PRKG1: variants seen among roughly 807,000 people sequenced by gnomAD.
PRKG1 encodes the protein protein kinase cGMP-dependent 1.
A neutral mutation model predicts 88.1 loss-of-function variants in PRKG1; 35 were observed. That is an observed-to-expected ratio of 0.40 (90% CI 0.30 to 0.53). The LOEUF (loss-of-function observed/expected upper bound fraction) is 0.53. Ranked by LOEUF, PRKG1 falls within the 20% of genes least tolerant of loss-of-function variation. PRKG1 has a pLI of 0.59. For missense variants in PRKG1, 540 were observed against 839.8 expected, an observed-to-expected ratio of 0.64 and a Z score of 4.41; for synonymous variants, 303 against 292.5, an observed-to-expected ratio of 1.04 and a Z score of -0.37.
chr10:51,654,344 G>A (rs1840111980), intron 3 of PRKG1, among the ~76,000 whole-genome samples: 1 of 152,042 alleles, frequency 6.6e-6, no homozygotes, highest in African/African-American at 2.4e-5. Context: ...GTAAATATGT[G>A]GATTTAGTTC....
At position 52,216,218 on chromosome 10, in the gene PRKG1, A is replaced by G. The variant is rs191595373; in HGVS notation, c.1077-35352A>G. On this transcript the variant is annotated intron_variant, in intron 9 of 17. Coordinates refer to ENST00000373980, the MANE Select transcript of PRKG1 (RefSeq NM_006258.4). ...CTTCTTAGACACTTCTTAAACAAGG[A>G]TTGCCAAGCACAGCATGGAAGCTTA... Among the ~76,000 whole-genome samples, 4 of 152,318 alleles carry G rather than the reference A, an allele frequency of 2.6e-5. No individual in the cohort carries two copies. The East Asian group carries it at 7.7e-4, about 29-fold the overall frequency.
chr10:52,141,219 CA>C (rs1272159514), intron 8 of PRKG1, among the ~76,000 whole-genome samples: 1 of 152,122 alleles, frequency 6.6e-6, no homozygotes, highest in African/African-American at 2.4e-5. Context: ...ACATTATATT[CA>C]TTCAATTTAA....
chr10:51,634,690 G>A (rs1839611413), intron 3 of PRKG1, among the ~76,000 whole-genome samples: 2 of 151,984 alleles, frequency 1.3e-5, no homozygotes, highest in African/African-American at 4.8e-5. Context: ...TCCATATGAA[G>A]CTAGAAAGCA....
At chr10:51,540,518 TTAGA>T (rs1448830479) in intron 3 of PRKG1, among the ~76,000 whole-genome samples, 1 of 152,128 alleles carries the variant, frequency 6.6e-6, no homozygotes, top group Non-Finnish European at 1.5e-5. Context: ...TTTCAATAAA[TTAGA>T]TAGATAATAG....
Position 51,468,902 on chromosome 10 carries a change from C to G in PRKG1, c.592+1066C>G, listed in dbSNP as rs562276451. Among the ~76,000 whole-genome samples, 5 of 151,924 alleles carry G rather than the reference C, an allele frequency of 3.3e-5. No homozygotes were observed. In the East Asian group the frequency reaches 9.7e-4, roughly 29 times the overall value. The stretch of plus-strand genomic sequence containing the variant: ...GGCCAACTGGAGTCCCAGAAATTGT[C>G]TTATACATCTTATTAGTGAAATCAC... On this transcript the variant is annotated intron_variant, in intron 3 of 17. Coordinates refer to ENST00000373980, the MANE Select transcript of PRKG1 (RefSeq NM_006258.4).
At chr10:52,054,385 A>T in intron 5 of PRKG1, 99 bp from the exon 6 acceptor site, 1 of 805,594 alleles carries the variant, frequency 1.2e-6, no homozygotes, top group African/African-American at 1.7e-5. Flanking sequence ...AAATTCCATT[A>T]GGATGAATAT....
intron 5 of PRKG1, among the ~76,000 whole-genome samples, chr10:52,045,717 A>G (rs2133238045): frequency 6.6e-6 from 1 of 152,220 alleles, no homozygotes; most frequent in Non-Finnish European, 1.5e-5. Flanking sequence ...AAAAGAAAAA[A>G]AAACAATTTT....
chr10:51,979,408 C>CTTTTTTTTTTT (rs1704199460), intron 5 of PRKG1, among the ~76,000 whole-genome samples: 1 of 16,214 alleles, frequency 6.2e-5, no homozygotes, highest in Non-Finnish European at 1.6e-4. Context: ...GGATATTGGT[C>CTTTTTTTTTTT]TGTTTTTTTT....
At chr10:51,799,654 A>G (rs556227223) in intron 3 of PRKG1, among the ~76,000 whole-genome samples, 20 of 152,080 alleles carry the variant, frequency 1.3e-4, no homozygotes, top group African/African-American at 4.8e-4. Context: ...ACTCAGGGAA[A>G]TGGCTGTTTA....
chr10:51,181,463 G>T (rs981039839), intron 2 of PRKG1, among the ~76,000 whole-genome samples: 3 of 150,458 alleles, frequency 2.0e-5, no homozygotes, highest in Admixed American at 2.0e-4. Flanking sequence ...GGATGGTCTC[G>T]ATCTCCTGAC....
intron 5 of PRKG1, among the ~76,000 whole-genome samples, chr10:51,993,634 G>C (rs927748081): frequency 1.3e-5 from 2 of 152,164 alleles, no homozygotes; most frequent in South Asian, 4.1e-4. Flanking sequence ...AATTGAAATA[G>C]GTAAAGTAGT....
rs534948013 is a variant in PRKG1, at chr10:51,365,992, A to C, written c.479-101731A>C. Among the ~76,000 whole-genome samples the C allele has an allele frequency of 1.1e-4, 17 of 151,988 alleles. No homozygotes were observed. The South Asian group carries it at 3.3e-3, about 30-fold the overall frequency. ...GTCTTTGTTTAAAAACGACTCTATC[A>C]CTCAAGTTCTATATCTTGGCAGATG... On this transcript the variant is annotated intron_variant, in intron 2 of 17. Transcript: ENST00000373980.
intron 7 of PRKG1, among the ~76,000 whole-genome samples, chr10:52,126,211 T>G (rs1847927740): frequency 6.6e-6 from 1 of 152,090 alleles, no homozygotes; most frequent in Non-Finnish European, 1.5e-5. Context: ...TGGGTATGTT[T>G]GTGTACTAAT....
chr10:51,529,625 A>G (rs1196270800), intron 3 of PRKG1, among the ~76,000 whole-genome samples: 1 of 152,140 alleles, frequency 6.6e-6, no homozygotes, highest in Non-Finnish European at 1.5e-5. Flanking sequence ...AGGTTTCTGC[A>G]CAAATGTCAC....
At chr10:51,346,973 A>G (rs982744862) in intron 2 of PRKG1, among the ~76,000 whole-genome samples, 45 of 152,208 alleles carry the variant, frequency 3.0e-4, no homozygotes, top group African/African-American at 9.2e-4. Context: ...AAAGCTCAGT[A>G]CAATCAGTAG....
At chr10:51,841,549 T>G (rs938462630) in intron 4 of PRKG1, among the ~76,000 whole-genome samples, 1 of 152,162 alleles carries the variant, frequency 6.6e-6, no homozygotes. Context: ...TAAAAATGCA[T>G]AAGATTTTTA....
intron 3 of PRKG1, among the ~76,000 whole-genome samples, chr10:51,720,189 A>G (rs920331542): frequency 6.6e-6 from 1 of 152,144 alleles, no homozygotes; most frequent in African/African-American, 2.4e-5. Flanking sequence ...TTAAAGTGTA[A>G]TAGAGACCAC....
intron 2 of PRKG1, among the ~76,000 whole-genome samples, chr10:51,154,585 A>G (rs1846159402): frequency 1.3e-5 from 2 of 152,010 alleles, no homozygotes. Flanking sequence ...AGTATATAAG[A>G]AATATTCTTT....
intron 2 of PRKG1, among the ~76,000 whole-genome samples, chr10:51,221,876 C>CCT (rs369405503): frequency 7.9e-6 from 1 of 127,182 alleles, no homozygotes; most frequent in African/African-American, 3.0e-5. Flanking sequence ...TCTTTTCTTT[C>CCT]TTTTTTTTTT....
Sources: allele counts gnomAD v4.1 joint callset (sites outside exome capture counted in the v4.1 genomes callset), GRCh38; gene constraint gnomAD v4.1.1; transcripts MANE v1.5; gene names NCBI Gene and HGNC (gene_info 2026-07-23, HGNC 2026-07-21).